The following ITGA1 variants were observed in gnomAD, a reference collection of about 807,000 sequenced individuals.
The protein encoded by ITGA1 is integrin subunit alpha 1, also known as integrin alpha-1.
Under a neutral mutation model 145.9 loss-of-function variants are expected in ITGA1, and 85 were observed. The observed-to-expected ratio is 0.58, with a 90% CI of 0.49 to 0.70. ITGA1 has a LOEUF of 0.70. Among genes scored for constraint, ITGA1 ranks in the 30% least tolerant of loss-of-function variants. The probability of loss-of-function intolerance (pLI) is 0.00; values close to 1 mark genes in which losing one functional copy is unlikely to be tolerated. For missense variants in ITGA1, 1,351 were observed against 1,418.7 expected, an observed-to-expected ratio of 0.95 and a Z score of 0.77; for synonymous variants, 520 against 495.3, an observed-to-expected ratio of 1.05 and a Z score of -0.66.
chr5:52,804,435 T>C (rs1748552507), intron 1 of ITGA1, among the ~76,000 whole-genome samples: 1 of 152,246 alleles, frequency 6.6e-6, no homozygotes, highest in Admixed American at 6.5e-5. Flanking sequence ...TTGTTAATTT[T>C]ATGACAAGAT....
chr5:52,895,125 T>C (rs898157335), intron 9 of ITGA1, among the ~76,000 whole-genome samples: 1 of 152,170 alleles, frequency 6.6e-6, no homozygotes, highest in African/African-American at 2.4e-5. Context: ...ATGCTGGCTA[T>C]ACTCAGTCTG....
intron 26 of ITGA1, among the ~76,000 whole-genome samples, chr5:52,943,860 C>T (rs960200190): frequency 1.3e-5 from 2 of 152,138 alleles, no homozygotes; most frequent in Non-Finnish European, 2.9e-5. Flanking sequence ...CTCCAGGACA[C>T]CCCGCAGCTC....
In ITGA1 at chr5:52,955,070, A is replaced by C. The variant is rs908674394; in HGVS notation, c.*2619A>C. On this transcript the variant is annotated 3_prime_UTR_variant, in exon 29 of 29. Transcript: ENST00000282588. ...TTCTAAATAATTGATTATTGCTCCC[A>C]TTGTAAACTGAACCATGTATGCACT... The C allele has an allele frequency of 6.6e-5, 10 of 152,066 alleles. No homozygotes were observed. The highest frequency in any genetic ancestry group is 1.5e-5 in the Non-Finnish European group (1 of 68,014). 9.4% of individuals were successfully genotyped at this position (152,066 alleles called of 1,614,324 possible). A position where few individuals can be genotyped will look rare whatever the true frequency, so the allele number is the denominator to read the frequency against.
intron 8 of ITGA1, among the ~76,000 whole-genome samples, chr5:52,889,437 T>C (rs1579700127): frequency 6.6e-6 from 1 of 152,206 alleles, no homozygotes; most frequent in African/African-American, 2.4e-5. Flanking sequence ...AACAAGTCTT[T>C]CGTAGATTAT....
At chr5:52,934,526 T>C (rs1750937779) in intron 23 of ITGA1, among the ~76,000 whole-genome samples, 1 of 151,938 alleles carries the variant, frequency 6.6e-6, no homozygotes, top group Non-Finnish European at 1.5e-5. Context: ...AAATTACTCA[T>C]GTTGGTACTA....
At chr5:52,866,244 A>G (rs768877426) in intron 6 of ITGA1, among the ~76,000 whole-genome samples, 4 of 152,078 alleles carry the variant, frequency 2.6e-5, no homozygotes, top group Non-Finnish European at 5.9e-5. Context: ...TCAAACTCCT[A>G]GCCTCTGGTT....
intron 11 of ITGA1, among the ~76,000 whole-genome samples, chr5:52,900,479 T>C (rs1227536270): frequency 1.3e-5 from 2 of 152,218 alleles, no homozygotes; most frequent in Admixed American, 6.5e-5. Flanking sequence ...ATGATTTCCA[T>C]TGTATTATTA....
At chr5:52,831,909 A>G (rs970806552) in intron 1 of ITGA1, among the ~76,000 whole-genome samples, 8 of 152,248 alleles carry the variant, frequency 5.3e-5, no homozygotes, top group Non-Finnish European at 1.2e-4. Context: ...GAATTTTAAG[A>G]GCTTTTTGGG....
chr5:52,866,833 T>C (rs1189416869), intron 6 of ITGA1, among the ~76,000 whole-genome samples: 1 of 152,164 alleles, frequency 6.6e-6, no homozygotes, highest in African/African-American at 2.4e-5. Context: ...TATGGGCATA[T>C]ATATTAAAAT....
intron 17 of ITGA1, among the ~76,000 whole-genome samples, chr5:52,922,109 T>C (rs1217851846): frequency 3.9e-5 from 6 of 152,120 alleles, no homozygotes; most frequent in African/African-American, 1.4e-4. Context: ...GAGACCAGCC[T>C]GGCCAACGTG....
chr5:52,929,927 A>G (rs989247167), intron 21 of ITGA1, among the ~76,000 whole-genome samples: 1 of 152,186 alleles, frequency 6.6e-6, no homozygotes, highest in African/African-American at 2.4e-5. Context: ...GATTAAAGCA[A>G]TGGTTCTATG....
intron 14 of ITGA1, among the ~76,000 whole-genome samples, chr5:52,914,350 G>A (rs2111862192): frequency 6.6e-6 from 1 of 152,120 alleles, no homozygotes; most frequent in South Asian, 2.1e-4. Context: ...AAAAAAATGA[G>A]GAGGATTGCT....
chr5:52,803,561 A>C (rs1280617716), intron 1 of ITGA1: 8 of 152,224 alleles, frequency 5.3e-5, no homozygotes, highest in Admixed American at 5.2e-4. Context: ...TGTTCACCTC[A>C]ACTTGAGAGC....
rs1751269220 is a variant in ITGA1 at position 52,954,127 on chromosome 5, C to G, written c.*1676C>G. The G allele has an allele frequency of 6.6e-6, 1 of 152,116 alleles. No individual in the cohort carries two copies. The highest frequency in any genetic ancestry group is 6.5e-5 in the Admixed American group (1 of 15,268). 9.4% of individuals were successfully genotyped at this position (152,116 alleles called of 1,614,324 possible). On this transcript the variant is annotated 3_prime_UTR_variant, in exon 29 of 29. Coordinates refer to ENST00000282588, the MANE Select transcript of ITGA1 (RefSeq NM_181501.2). ...TTTCTAGAGGTTTGGTGTCCTCTTG[C>G]TGGCCTGTCATTATTTGGAAATACG...
At position 52,892,417 on chromosome 5, in the gene ITGA1, G is replaced by A. The variant is rs568391688; in HGVS notation, c.925-1258G>A. Among the ~76,000 whole-genome samples, 48 of 152,222 alleles carry A rather than the reference G, an allele frequency of 3.2e-4. 1 individual carries two copies. The South Asian group carries it at 9.1e-3, about 29-fold the overall frequency. ...GAATAGTAAAATGGCAAAATGGGAC[G>A]ATTACTGTGGAAAGCAGTTTGGCAG... On this transcript the variant is annotated intron_variant, in intron 8 of 28. Transcript: ENST00000282588.
At chr5:52,807,043 T>G (rs1046586646) in intron 1 of ITGA1, among the ~76,000 whole-genome samples, 2 of 152,192 alleles carry the variant, frequency 1.3e-5, no homozygotes, top group Non-Finnish European at 2.9e-5. Context: ...TTTCCTAAAA[T>G]TGCCTACATT....
intron 6 of ITGA1, among the ~76,000 whole-genome samples, chr5:52,872,580 T>A (rs1295023945): frequency 7.0e-6 from 1 of 141,978 alleles, no homozygotes; most frequent in Non-Finnish European, 1.5e-5. Flanking sequence ...AGTCAATTTT[T>A]TTTTTTTTTT....
intron 2 of ITGA1, 49 bp downstream of exon 2, chr5:52,849,534 T>A (rs1346694916): frequency 7.0e-7 from 1 of 1,434,518 alleles, no homozygotes; most frequent in Admixed American, 2.0e-5. Context: ...CACAAGGTAA[T>A]GAGAAATATT....
intron 26 of ITGA1, among the ~76,000 whole-genome samples, chr5:52,940,425 TTGA>T (rs1751037948): frequency 6.6e-6 from 1 of 151,110 alleles, no homozygotes; most frequent in African/African-American, 2.4e-5. Context: ...TTTTTTTTTT[TTGA>T]GACGGAGTGT....
Sources: allele counts gnomAD v4.1 joint callset (sites outside exome capture counted in the v4.1 genomes callset), GRCh38; gene constraint gnomAD v4.1.1; transcripts MANE v1.5; gene names NCBI Gene and HGNC (gene_info 2026-07-23, HGNC 2026-07-21).